Variants in GNAQ observed in about 807,000 individuals in gnomAD.
GNAQ encodes G protein subunit alpha q.
A neutral mutation model predicts 43.9 loss-of-function variants in GNAQ; 8 were observed. The observed-to-expected ratio is 0.18, with a 90% CI of 0.11 to 0.33. GNAQ has a LOEUF of 0.33. GNAQ is among the 10% of genes least tolerant of loss of function. The pLI, the probability that GNAQ is intolerant of heterozygous loss-of-function variation, is 1.00. For synonymous variants in GNAQ, 155 were observed against 170.7 expected (o/e 0.91, Z 0.71); for missense variants, 158 against 450.8 (o/e 0.35, Z 5.88).
intron 1 of GNAQ, among the ~76,000 whole-genome samples, chr9:78,015,601 C>T (rs1303703673): frequency 6.6e-6 from 1 of 151,698 alleles, no homozygotes; most frequent in African/African-American, 2.4e-5. Context: ...ATTTTATGTA[C>T]CCATAAAACA....
intron 5 of GNAQ, among the ~76,000 whole-genome samples, chr9:77,750,696 T>A (rs565767079): frequency 6.6e-6 from 1 of 152,216 alleles, no homozygotes; most frequent in South Asian, 2.1e-4. Flanking sequence ...TGAAATCACG[T>A]ATGGCTTGTT....
rs533322400 is a variant in GNAQ at position 77,932,973 on chromosome 9, G to A, written c.137-10628C>T. ...GGAGGAGATGACATAGGGAGAACTCGTTGATTTCTGGCTTGATGGATGGAG... is the reference window on the plus strand; with the variant it reads ...GGAGGAGATGACATAGGGAGAACTCATTGATTTCTGGCTTGATGGATGGAG... On this transcript the variant is annotated intron_variant, in intron 1 of 6. Coordinates refer to ENST00000286548, the MANE Select transcript of GNAQ (RefSeq NM_002072.5). 1.2e-4 allele frequency among the ~76,000 whole-genome samples: 19 copies of A among 152,254 alleles called. No homozygotes were observed. The South Asian group carries it at 2.9e-3, about 23-fold the overall frequency.
At chr9:77,879,592 C>T (rs1828179423) in intron 2 of GNAQ, among the ~76,000 whole-genome samples, 1 of 152,222 alleles carries the variant, frequency 6.6e-6, no homozygotes, top group Non-Finnish European at 1.5e-5. Flanking sequence ...AATATCTGTC[C>T]AGACTTACTA....
chr9:77,933,119 G>A (rs935770726), intron 1 of GNAQ, among the ~76,000 whole-genome samples: 2 of 152,228 alleles, frequency 1.3e-5, no homozygotes, highest in Non-Finnish European at 2.9e-5. Flanking sequence ...TCACTGCATC[G>A]ACATGGAGAC....
intron 2 of GNAQ, among the ~76,000 whole-genome samples, chr9:77,858,259 C>T (rs1030644555): frequency 1.3e-5 from 2 of 152,090 alleles, no homozygotes; most frequent in Non-Finnish European, 2.9e-5. Flanking sequence ...ACTGGGATTC[C>T]AACGCAGAGA....
intron 5 of GNAQ, among the ~76,000 whole-genome samples, chr9:77,774,263 C>A (rs566247408): frequency 6.6e-6 from 1 of 152,218 alleles, no homozygotes; most frequent in African/African-American, 2.4e-5. Context: ...TGTATTACTT[C>A]TAAAAGATGT....
chr9:77,716,149 C>A lies in GNAQ; in HGVS notation c.*5174G>T. On this transcript the variant is annotated 3_prime_UTR_variant, in exon 7 of 7. Transcript: ENST00000286548. ...TGTTTATTTTGGAAAATGCAATATG[C>A]ACAAGGTGTGTTAAGGAAGGAAAGA... 5.2e-6 allele frequency: 1 copy of A among 192,512 alleles called. No homozygotes were observed. Among genetic ancestry groups the A allele is most frequent in the East Asian group, 8.2e-5 (1 of 12,244 alleles). The allele number at this position is 192,512 out of a possible 1,614,324, so 11.9% of individuals were successfully genotyped here.
chr9:77,975,728 C>T (rs1205670229), intron 1 of GNAQ, among the ~76,000 whole-genome samples: 6 of 151,356 alleles, frequency 4.0e-5, no homozygotes, highest in Admixed American at 1.3e-4. Context: ...TTAGTAGAGA[C>T]GGGGTTTCAC....
intron 5 of GNAQ, among the ~76,000 whole-genome samples, chr9:77,747,063 T>C (rs1825741736): frequency 6.6e-6 from 1 of 152,116 alleles, no homozygotes; most frequent in Non-Finnish European, 1.5e-5. Flanking sequence ...AGAAGATACA[T>C]ATGAAACAGC....
chr9:77,961,821 GGCAAATAAA>G (rs1235056313), intron 1 of GNAQ, among the ~76,000 whole-genome samples: 1 of 152,014 alleles, frequency 6.6e-6, no homozygotes, highest in African/African-American at 2.4e-5. Flanking sequence ...AAAACTATCA[GGCAAATAAA>G]GAAACAGGAA....
At chr9:77,965,213 TCA>T (rs1823151609) in intron 1 of GNAQ, among the ~76,000 whole-genome samples, 3 of 151,940 alleles carry the variant, frequency 2.0e-5, no homozygotes, top group African/African-American at 7.3e-5. Flanking sequence ...CTACCACCAA[TCA>T]ACACCCATAA....
intron 1 of GNAQ, among the ~76,000 whole-genome samples, chr9:77,945,516 C>T (rs1822879645): frequency 6.6e-6 from 1 of 151,956 alleles, no homozygotes; most frequent in Admixed American, 6.6e-5. Context: ...ATTAGGAAAA[C>T]AGAAAAAGCC....
intron 2 of GNAQ, among the ~76,000 whole-genome samples, chr9:77,861,169 C>A (rs1827843876): frequency 6.6e-6 from 1 of 152,126 alleles, no homozygotes; most frequent in Admixed American, 6.5e-5. Flanking sequence ...AGAGAGAGAG[C>A]TTGAGCAGGG....
intron 1 of GNAQ, among the ~76,000 whole-genome samples, chr9:77,986,081 T>C (rs1270715781): frequency 6.6e-6 from 1 of 152,194 alleles, no homozygotes; most frequent in African/African-American, 2.4e-5. Context: ...TGTCCTAGCA[T>C]TGCCATAGTT....
chr9:77,770,058 G>A (rs139486292), intron 5 of GNAQ, among the ~76,000 whole-genome samples: 222 of 152,238 alleles, frequency 1.5e-3, no homozygotes, highest in African/African-American at 5.1e-3. Flanking sequence ...CTAGTGAATG[G>A]TACTGAATAA....
intron 2 of GNAQ, among the ~76,000 whole-genome samples, chr9:77,870,424 G>A (rs896208107): frequency 4.7e-5 from 7 of 150,194 alleles, no homozygotes; most frequent in South Asian, 2.1e-4. Flanking sequence ...TCTGCCTCAC[G>A]GATTCACGTC....
At chr9:77,746,046 G>T (rs538083216) in intron 5 of GNAQ, among the ~76,000 whole-genome samples, 1 of 152,116 alleles carries the variant, frequency 6.6e-6, no homozygotes, top group Non-Finnish European at 1.5e-5. Context: ...TAAGGAAGCC[G>T]AAGAGCCATG....
chr9:77,933,801 C>T (rs781535485), intron 1 of GNAQ, among the ~76,000 whole-genome samples: 51 of 152,272 alleles, frequency 3.3e-4, no homozygotes, highest in Admixed American at 7.9e-4. Flanking sequence ...ACACCACCCA[C>T]AGAATTTAAC....
chr9:77,934,653 A>G (rs1281663757), intron 1 of GNAQ, among the ~76,000 whole-genome samples: 1 of 152,236 alleles, frequency 6.6e-6, no homozygotes, highest in Non-Finnish European at 1.5e-5. Context: ...CATTGAGAAT[A>G]CTAAGAAGGA....
Sources: gnomAD v4.1 joint callset for allele counts (sites outside exome capture counted in the v4.1 genomes callset) on GRCh38, gnomAD v4.1.1 for gene constraint, MANE v1.5 for transcripts, NCBI Gene and HGNC (gene_info 2026-07-23, HGNC 2026-07-21) for gene names.